Variants in TMCO4 observed in about 807,000 individuals in gnomAD.
TMCO4 encodes the protein transmembrane and coiled-coil domain-containing protein 4.
In TMCO4, 58 loss-of-function variants were observed where a neutral mutation model predicts 64.7. That is an observed-to-expected ratio of 0.90 (90% CI 0.73 to 1.12). The LOEUF (loss-of-function observed/expected upper bound fraction) is 1.12. TMCO4 is among the 50% of genes most tolerant of loss of function. The pLI is 0.00. For synonymous variants in TMCO4, 325 were observed against 346.1 expected (o/e 0.94, Z 0.68); for missense variants, 780 against 825.9 (o/e 0.94, Z 0.68).
At chr1:19,780,986 T>G (rs1028337084) in intron 3 of TMCO4, among the ~76,000 whole-genome samples, 3 of 151,870 alleles carry the variant, frequency 2.0e-5, no homozygotes, top group African/African-American at 7.3e-5. Flanking sequence ...ATACACAGTA[T>G]CCAAACAACT....
intron 3 of TMCO4, among the ~76,000 whole-genome samples, chr1:19,786,288 A>C (rs956636303): frequency 2.3e-4 from 35 of 152,046 alleles, no homozygotes; most frequent in African/African-American, 8.2e-4. Flanking sequence ...AAACAGAAAA[A>C]ACAGACAACA....
intron 15 of TMCO4, among the ~76,000 whole-genome samples, chr1:19,694,190 T>C (rs906662496): frequency 5.9e-5 from 9 of 152,020 alleles, no homozygotes; most frequent in African/African-American, 2.2e-4. Flanking sequence ...TTTATAGAGA[T>C]AGGGTTTTGC....
At chr1:19,722,573 T>C (rs1375579583) in intron 13 of TMCO4, among the ~76,000 whole-genome samples, 3 of 152,192 alleles carry the variant, frequency 2.0e-5, no homozygotes, top group Non-Finnish European at 4.4e-5. Flanking sequence ...GCATGGAGAA[T>C]TGTGGCCTTC....
At chr1:19,736,204 C>T (rs74317131) in intron 13 of TMCO4, among the ~76,000 whole-genome samples, 1,952 of 152,298 alleles carry the variant, frequency 0.013, 42 homozygotes, top group African/African-American at 0.044. Context: ...AAAGGCACGT[C>T]GTACATGGTG....
At chr1:19,729,804 A>T (rs1309659087) in intron 13 of TMCO4, among the ~76,000 whole-genome samples, 1 of 152,126 alleles carries the variant, frequency 6.6e-6, no homozygotes, top group Non-Finnish European at 1.5e-5. Flanking sequence ...AAAAAATAAG[A>T]GTATGATTTT....
At chr1:19,756,834 A>C (rs2042276035) in intron 6 of TMCO4, among the ~76,000 whole-genome samples, 1 of 152,120 alleles carries the variant, frequency 6.6e-6, no homozygotes, top group Non-Finnish European at 1.5e-5. Context: ...TCAGTAATTG[A>C]AAAAAAGGAA....
chr1:19,787,225 G>GA (rs1237495094), intron 2 of TMCO4, 108 bp from the exon 3 acceptor site: 2 of 152,330 alleles, frequency 1.3e-5, no homozygotes, highest in African/African-American at 4.8e-5. Flanking sequence ...AGGGGAGCCT[G>GA]GCACTGCACC....
chr1:19,693,113 C>T (rs949320710), intron 15 of TMCO4, among the ~76,000 whole-genome samples: 4 of 129,690 alleles, frequency 3.1e-5, no homozygotes, highest in Admixed American at 1.9e-4. Flanking sequence ...GCAGAGGTTG[C>T]AGTGAGCCGA....
chr1:19,745,972 A>C (rs1401166851), intron 9 of TMCO4, among the ~76,000 whole-genome samples: 1 of 152,044 alleles, frequency 6.6e-6, no homozygotes, highest in Non-Finnish European at 1.5e-5. Flanking sequence ...GGTAGAACAC[A>C]CTCCACTTAG....
chr1:19,783,572 A>C (rs578205649), intron 3 of TMCO4, among the ~76,000 whole-genome samples: 5 of 152,224 alleles, frequency 3.3e-5, no homozygotes, highest in Admixed American at 2.6e-4. Context: ...TACAGCACAT[A>C]ACTGTTTACA....
rs374699068 is a variant in TMCO4 at position 19,740,885 on chromosome 1, C to T, written c.934G>A (p.Ala312Thr). ...LAHSREQYCLAWEAKYLMELG... is the reference protein window; with the variant it reads ...LAHSREQYCLTWEAKYLMELG... ...TCCATCAGGTACTTGGCTTCCCAGG[C>T]CAGGCAGTACTGCTCACGGCTGTGG... Residue 312 changes from alanine to threonine, a missense_variant, in exon 11 of 16, where the codon GCC becomes ACC. Physicochemically the swap from Ala to Thr is moderately conservative, Grantham distance 58. Coordinates refer to ENST00000294543, the MANE Select transcript of TMCO4 (RefSeq NM_181719.7). 1.2e-6 allele frequency: 2 copies of T among 1,613,974 alleles called. No individual in the cohort carries two copies. The highest frequency in any genetic ancestry group is 2.7e-5 in the African/African-American group (2 of 74,930).
At chr1:19,790,433 A>G (rs2043974233) in intron 2 of TMCO4, among the ~76,000 whole-genome samples, 1 of 152,206 alleles carries the variant, frequency 6.6e-6, no homozygotes, top group Non-Finnish European at 1.5e-5. Flanking sequence ...ATAAATGTCT[A>G]ATATCAAGGA....
At chr1:19,775,904 T>A (rs2043182547) in intron 4 of TMCO4, among the ~76,000 whole-genome samples, 1 of 152,214 alleles carries the variant, frequency 6.6e-6, no homozygotes, top group Non-Finnish European at 1.5e-5. Context: ...TTGAGGTATT[T>A]ATTTATTTTG....
At chr1:19,720,996 G>A (rs1018481674) in intron 13 of TMCO4, among the ~76,000 whole-genome samples, 1 of 152,080 alleles carries the variant, frequency 6.6e-6, no homozygotes, top group Non-Finnish European at 1.5e-5. Context: ...GAACTGAGAT[G>A]ATTAATTAAC....
chr1:19,794,869 G>A (rs1188051112), intron 2 of TMCO4, among the ~76,000 whole-genome samples: 1 of 152,208 alleles, frequency 6.6e-6, no homozygotes, highest in African/African-American at 2.4e-5. Flanking sequence ...TTGAAAAGTT[G>A]TGAAATAAGC....
intron 15 of TMCO4, among the ~76,000 whole-genome samples, chr1:19,691,997 T>C (rs2095198976): frequency 1.3e-5 from 2 of 152,198 alleles, no homozygotes; most frequent in African/African-American, 2.4e-5. Context: ...CCGCCATGAT[T>C]GTGAGGCCTC....
intron 3 of TMCO4, among the ~76,000 whole-genome samples, chr1:19,781,660 CT>C (rs2043486710): frequency 1.4e-5 from 1 of 72,650 alleles, no homozygotes; most frequent in South Asian, 4.4e-4. Flanking sequence ...TTTTTTTTTT[CT>C]TTTGAGATGG....
intron 13 of TMCO4, among the ~76,000 whole-genome samples, chr1:19,705,603 T>C (rs1557482642): frequency 1.3e-5 from 2 of 151,624 alleles, no homozygotes; most frequent in African/African-American, 2.4e-5. Context: ...TTCAAAGCCA[T>C]CCTGGGTGGC....
At chr1:19,739,499 A>G (rs1309344901) in intron 12 of TMCO4, among the ~76,000 whole-genome samples, 1 of 152,210 alleles carries the variant, frequency 6.6e-6, no homozygotes, top group Non-Finnish European at 1.5e-5. Context: ...CCCAGTGATT[A>G]TCCTAAACAC....
Sources: gnomAD v4.1 joint callset for allele counts (sites outside exome capture counted in the v4.1 genomes callset) on GRCh38, gnomAD v4.1.1 for gene constraint, MANE v1.5 for transcripts, NCBI Gene and HGNC (gene_info 2026-07-23, HGNC 2026-07-21) for gene names.